Variants in VGLL3 observed in about 807,000 individuals in gnomAD.
VGLL3 encodes the protein transcription cofactor vestigial-like protein 3.
A neutral mutation model predicts 29.2 loss-of-function variants in VGLL3; 18 were observed. The observed-to-expected ratio is 0.62, with a 90% CI of 0.43 to 0.91. The LOEUF is 0.91. Ranked by LOEUF, VGLL3 falls within the 40% of genes least tolerant of loss-of-function variation. VGLL3 has a pLI of 0.00. For missense variants in VGLL3, 440 were observed against 413.2 expected, an observed-to-expected ratio of 1.06 and a Z score of -0.56; for synonymous variants, 180 against 151.8, an observed-to-expected ratio of 1.19 and a Z score of -1.36.
chr3:86,947,677 C>T (rs1000749248), intron 3 of VGLL3, among the ~76,000 whole-genome samples: 2 of 152,074 alleles, frequency 1.3e-5, no homozygotes, highest in African/African-American at 2.4e-5. Flanking sequence ...TTTATCTTAT[C>T]TTCCTCCAAA....
At chr3:86,949,553 G>A (rs190707261) in intron 3 of VGLL3, among the ~76,000 whole-genome samples, 6 of 151,564 alleles carry the variant, frequency 4.0e-5, no homozygotes, top group Middle Eastern at 3.5e-3. Context: ...CTGGCTGGGC[G>A]CGGTGGCTCA....
intron 3 of VGLL3, among the ~76,000 whole-genome samples, chr3:86,950,394 TTTAAG>T (rs1309890541): frequency 2.6e-5 from 4 of 152,134 alleles, no homozygotes; most frequent in Non-Finnish European, 4.4e-5. Context: ...AATGAAAAAA[TTTAAG>T]TTAAGAGAAT....
chr3:86,971,339 C>T (rs1194001801), intron 2 of VGLL3, among the ~76,000 whole-genome samples: 2 of 152,174 alleles, frequency 1.3e-5, no homozygotes, highest in Admixed American at 6.5e-5. Flanking sequence ...TCTATTCTCT[C>T]CCCTTCAGCT....
At chr3:86,956,551 C>T (rs1704725285) in intron 3 of VGLL3, among the ~76,000 whole-genome samples, 2 of 152,122 alleles carry the variant, frequency 1.3e-5, no homozygotes, top group African/African-American at 4.8e-5. Context: ...CTTTTGGAGG[C>T]CGAGGCGGGC....
chr3:86,948,794 G>A (rs1704557491), intron 3 of VGLL3, among the ~76,000 whole-genome samples: 1 of 151,998 alleles, frequency 6.6e-6, no homozygotes, highest in Non-Finnish European at 1.5e-5. Flanking sequence ...AGGAGGAGAA[G>A]GATAAAAGAG....
rs375495484 is a variant in VGLL3 at position 86,969,610 on chromosome 3, A to G, written c.404-487T>C. ...TAATGCCGAAGGTAACAATGGAAGT[A>G]AGATTACAATTACTTATACTCACTA... On this transcript the variant is annotated intron_variant, in intron 2 of 3. Coordinates refer to ENST00000398399, the MANE Select transcript of VGLL3 (RefSeq NM_016206.4). Among the ~76,000 whole-genome samples, 3 of 152,334 alleles carry G rather than the reference A, an allele frequency of 2.0e-5. No individual in the cohort carries two copies. The East Asian group carries it at 5.8e-4, about 29-fold the overall frequency.
chr3:86,959,423 C>T (rs746851529), intron 3 of VGLL3, among the ~76,000 whole-genome samples: 1 of 152,006 alleles, frequency 6.6e-6, no homozygotes, highest in Non-Finnish European at 1.5e-5. Context: ...ATGTATGCTC[C>T]CTGAGAAGAA....
At position 86,968,891 on chromosome 3, in the gene VGLL3, T is replaced by G. The variant is rs757926091; in HGVS notation, c.636A>C (p.Thr212=). The G allele has an allele frequency of 9.3e-6, 15 of 1,613,874 alleles. No individual in the cohort carries two copies. In the East Asian group the frequency reaches 3.1e-4, roughly 34 times the overall value. ...AVSESWPYPL[T]SQVSPSYSHM... is the part of the protein sequence containing the mutation. ...GGCTGTAGGATGGGCTCACCTGAGA[T>G]GTCAAAGGATAAGGCCAGGACTCAG... Residue 212 remains threonine (T), a synonymous_variant, in exon 3 of 4, where the codon ACA becomes ACC. Transcript: ENST00000398399.
chr3:86,969,373 G>A (rs978992707), intron 2 of VGLL3, among the ~76,000 whole-genome samples: 3 of 152,140 alleles, frequency 2.0e-5, no homozygotes, highest in East Asian at 1.9e-4. Flanking sequence ...GGCTTATGCC[G>A]TCACAGTCTG....
At chr3:86,960,744 G>A (rs1447092831) in intron 3 of VGLL3, among the ~76,000 whole-genome samples, 2 of 151,822 alleles carry the variant, frequency 1.3e-5, no homozygotes, top group East Asian at 3.9e-4. Context: ...TTTAATATCT[G>A]GATATAATCA....
rs139305448 is a variant in VGLL3, at chr3:86,968,885, C to T, written c.642G>A (p.Gln214=). 120 of 1,614,112 alleles carry T rather than the reference C, an allele frequency of 7.4e-5. No homozygotes were observed. In the East Asian group the frequency reaches 2.6e-3, roughly 35 times the overall value. ...GCATATGGCTGTAGGATGGGCTCACCTGAGATGTCAAAGGATAAGGCCAGG... is the reference window on the plus strand; with the variant it reads ...GCATATGGCTGTAGGATGGGCTCACTTGAGATGTCAAAGGATAAGGCCAGG... ...SESWPYPLTS[Q]VSPSYSHMHD... Residue 214 remains glutamine, a synonymous_variant, in exon 3 of 4, where the codon CAG becomes CAA. Transcript: ENST00000398399.
intron 2 of VGLL3, among the ~76,000 whole-genome samples, chr3:86,970,677 T>C (rs1705081075): frequency 6.6e-6 from 1 of 152,150 alleles, no homozygotes; most frequent in South Asian, 2.1e-4. Context: ...AGGGTCTCAA[T>C]GGGCTTTGAA....
In VGLL3 at chr3:86,942,639, A is replaced by T. The variant is rs1175767360; in HGVS notation, c.*4385T>A. 1 of 152,236 alleles carries T rather than the reference A, an allele frequency of 6.6e-6. No individual in the cohort carries two copies. The highest frequency in any genetic ancestry group is 1.5e-5 in the Non-Finnish European group (1 of 68,048). 9.4% of individuals were successfully genotyped at this position (152,236 alleles called of 1,614,324 possible). A position where few individuals can be genotyped will look rare whatever the true frequency, so the allele number is the denominator to read the frequency against. On this transcript the variant is annotated 3_prime_UTR_variant, in exon 4 of 4. Transcript: ENST00000398399. ...TGACACTGTCCTCATAATTTTGGACACAGTAATTTAAATAAAATTTTGGAA... is the reference window on the plus strand; with the variant it reads ...TGACACTGTCCTCATAATTTTGGACTCAGTAATTTAAATAAAATTTTGGAA...
chr3:86,983,801 T>G (rs1237804206), intron 1 of VGLL3, among the ~76,000 whole-genome samples: 1 of 152,224 alleles, frequency 6.6e-6, no homozygotes, highest in Non-Finnish European at 1.5e-5. Context: ...ACAAATCTTT[T>G]GTATATTTCA....
Position 86,943,755 on chromosome 3 carries a change from C to A in VGLL3, c.*3269G>T, listed in dbSNP as rs558416779. On this transcript the variant is annotated 3_prime_UTR_variant, in exon 4 of 4. Coordinates refer to ENST00000398399, the MANE Select transcript of VGLL3 (RefSeq NM_016206.4). Reference sequence around the variant, plus strand: ...GCTCTTTCAAATTAATAATGAGAGACAAAATAATCTGTTAGGTTCCTGATT... The same window carrying A: ...GCTCTTTCAAATTAATAATGAGAGAAAAAATAATCTGTTAGGTTCCTGATT... 4 of 152,140 alleles carry A rather than the reference C, an allele frequency of 2.6e-5. No individual in the cohort carries two copies. The highest frequency in any genetic ancestry group is 2.1e-4 in the South Asian group (1 of 4,822). 9.4% of individuals were successfully genotyped at this position (152,140 alleles called of 1,614,324 possible).
At chr3:86,989,892 A>G (rs186138763) in intron 1 of VGLL3, among the ~76,000 whole-genome samples, 14 of 152,006 alleles carry the variant, frequency 9.2e-5, no homozygotes, top group African/African-American at 2.9e-4. Flanking sequence ...TCAGTTCACG[A>G]CCCCTTATTA....
chr3:86,955,455 T>C (rs1291938197), intron 3 of VGLL3, among the ~76,000 whole-genome samples: 2 of 146,934 alleles, frequency 1.4e-5, no homozygotes, highest in African/African-American at 5.0e-5. Flanking sequence ...AATGGTACCA[T>C]CTCGGCTCAC....
In VGLL3 at chr3:86,946,005, A is replaced by G. The variant is rs1452009506; in HGVS notation, c.*1019T>C. 3.3e-5 allele frequency: 5 copies of G among 152,168 alleles called. No homozygotes were observed. Among genetic ancestry groups the G allele is most frequent in the African/African-American group, 1.2e-4 (5 of 41,456 alleles). 9.4% of individuals were successfully genotyped at this position (152,168 alleles called of 1,614,324 possible). On this transcript the variant is annotated 3_prime_UTR_variant, in exon 4 of 4. Coordinates refer to ENST00000398399, the MANE Select transcript of VGLL3 (RefSeq NM_016206.4). ...AGGAAAAACAAATCCCACTTAAAATATGACTTTTTAAATTGCCATGAATGA... is the reference window on the plus strand; with the variant it reads ...AGGAAAAACAAATCCCACTTAAAATGTGACTTTTTAAATTGCCATGAATGA...
At chr3:86,957,074 A>T (rs534961568) in intron 3 of VGLL3, among the ~76,000 whole-genome samples, 12 of 152,308 alleles carry the variant, frequency 7.9e-5, no homozygotes, top group Middle Eastern at 3.4e-3. Flanking sequence ...ATACGTAAGC[A>T]TAATGGGATA....
Sources: allele counts gnomAD v4.1 joint callset (sites outside exome capture counted in the v4.1 genomes callset), GRCh38; gene constraint gnomAD v4.1.1; transcripts MANE v1.5; gene names NCBI Gene and HGNC (gene_info 2026-07-23, HGNC 2026-07-21).